Variants in ZFAT observed in about 807,000 individuals in gnomAD.
ZFAT encodes the protein zinc finger protein ZFAT.
In ZFAT, 64 loss-of-function variants were observed where a neutral mutation model predicts 117.7. That is an observed-to-expected ratio of 0.54 (90% CI 0.44 to 0.67). ZFAT has a LOEUF of 0.67. ZFAT is among the 30% of genes least tolerant of loss of function. The pLI, the probability that ZFAT is intolerant of heterozygous loss-of-function variation, is 0.00. For missense variants in ZFAT, 1,433 were observed against 1,584.5 expected, an observed-to-expected ratio of 0.90 and a Z score of 1.62; for synonymous variants, 679 against 615.0, an observed-to-expected ratio of 1.10 and a Z score of -1.54.
Position 134,583,838 on chromosome 8 carries a change from C to T in ZFAT, c.2881G>A (p.Ala961Thr), listed in dbSNP as rs972050902. 18 of 1,613,536 alleles carry T rather than the reference C, an allele frequency of 1.1e-5. No individual in the cohort carries two copies. The highest frequency in any genetic ancestry group is 1.5e-5 in the Non-Finnish European group (18 of 1,179,736). ...TLKSHKLLHT[A>T]DGKQFKCTVC... ...CCTTGGGCCATTTACTCACCATCTG[C>T]AGTGTGAAGGAGTTTGTGACTTTTC... Residue 961 changes from alanine (A) to threonine (T), a missense_variant, in exon 10 of 16, where the codon GCA (alanine) becomes ACA (threonine). This residue lies in a region of ZFAT where 503 missense variants were observed against 543.4 expected (regional missense o/e 0.93). Transcript: ENST00000377838.
the ZFAT span, among the ~76,000 whole-genome samples, chr8:134,771,815 G>A: frequency 6.6e-6 from 1 of 152,178 alleles, no homozygotes; most frequent in East Asian, 1.9e-4. Flanking sequence ...ATTTACAAAA[G>A]AAAGAGGTTT....
At chr8:134,818,538 A>C in the ZFAT span, among the ~76,000 whole-genome samples, 2 of 152,204 alleles carry the variant, frequency 1.3e-5, no homozygotes, top group African/African-American at 4.8e-5. Flanking sequence ...TTTAAGAAGA[A>C]ACTAGGTAGG....
chr8:134,730,592 C>T, the ZFAT span, among the ~76,000 whole-genome samples: 1 of 152,204 alleles, frequency 6.6e-6, no homozygotes, highest in East Asian at 1.9e-4. Context: ...GGCCAGTAGA[C>T]ATTAACAGTA....
In ZFAT at chr8:134,689,255, T is replaced by G. The variant is rs192427611; in HGVS notation, c.19+23590A>C. On this transcript the variant is annotated intron_variant, in intron 1 of 15. Coordinates refer to ENST00000377838, the MANE Select transcript of ZFAT (RefSeq NM_020863.4). Reference sequence around the variant, plus strand: ...AGCTATTTCTGAATAATCTGCCCCTTAATTAGCACGTCATTGAAAGTGGGT... The same window carrying G: ...AGCTATTTCTGAATAATCTGCCCCTGAATTAGCACGTCATTGAAAGTGGGT... Among the ~76,000 whole-genome samples, 5 of 152,340 alleles carry G rather than the reference T, an allele frequency of 3.3e-5. No individual in the cohort carries two copies. In the East Asian group the frequency reaches 9.6e-4, roughly 29 times the overall value.
the ZFAT span, among the ~76,000 whole-genome samples, chr8:134,749,983 T>C: frequency 6.6e-6 from 1 of 152,220 alleles, no homozygotes; most frequent in African/African-American, 2.4e-5. Context: ...CATTTTTCTT[T>C]TTCTTCAAAA....
At chr8:134,729,557 T>C in the ZFAT span, among the ~76,000 whole-genome samples, 20 of 152,078 alleles carry the variant, frequency 1.3e-4, no homozygotes, top group Admixed American at 5.2e-4. Flanking sequence ...ATGGTCTCGA[T>C]CTCCTGACCT....
At chr8:134,628,780 G>C (rs1829692777) in intron 3 of ZFAT, among the ~76,000 whole-genome samples, 1 of 152,170 alleles carries the variant, frequency 6.6e-6, no homozygotes. Context: ...GCTTGCCCCA[G>C]TTTCCTCATC....
chr8:134,706,878 CAAA>C (rs778702954), intron 1 of ZFAT, among the ~76,000 whole-genome samples: 8 of 125,208 alleles, frequency 6.4e-5, no homozygotes, highest in Non-Finnish European at 5.2e-5. Context: ...TATAGTACGC[CAAA>C]AAAAAAAAAA....
chr8:134,497,365 C>G (rs1202565042), intron 15 of ZFAT, among the ~76,000 whole-genome samples: 2 of 152,230 alleles, frequency 1.3e-5, no homozygotes, highest in South Asian at 4.1e-4. Flanking sequence ...CAGCTGAGAA[C>G]AGGCTTCTAA....
the ZFAT span, among the ~76,000 whole-genome samples, chr8:134,720,987 G>A: frequency 3.8e-4 from 58 of 152,338 alleles, no homozygotes; most frequent in African/African-American, 1.4e-3. Flanking sequence ...GAGAACAAAA[G>A]GGGCTGAGGG....
intron 12 of ZFAT, among the ~76,000 whole-genome samples, chr8:134,529,343 G>C (rs1821244509): frequency 6.6e-6 from 1 of 152,164 alleles, no homozygotes; most frequent in African/African-American, 2.4e-5. Context: ...ACCAGTTCTT[G>C]AGCTAGCTTA....
the ZFAT span, chr8:134,792,335 T>G: frequency 6.6e-6 from 1 of 152,230 alleles, no homozygotes; most frequent in African/African-American, 2.4e-5. Flanking sequence ...ATCAATGATT[T>G]AACTGTGGAG....
chr8:134,520,095 T>C (rs1299956136), intron 13 of ZFAT, among the ~76,000 whole-genome samples: 1 of 152,132 alleles, frequency 6.6e-6, no homozygotes, highest in Non-Finnish European at 1.5e-5. Context: ...GTAAAGTCCT[T>C]AGATAAAGTG....
At chr8:134,747,742 C>T in the ZFAT span, among the ~76,000 whole-genome samples, 1 of 152,162 alleles carries the variant, frequency 6.6e-6, no homozygotes, top group African/African-American at 2.4e-5. Context: ...TTGAGATAAT[C>T]GTTTCCTCCC....
intron 15 of ZFAT, among the ~76,000 whole-genome samples, chr8:134,479,988 C>T (rs1817182543): frequency 7.1e-6 from 1 of 140,962 alleles, no homozygotes; most frequent in East Asian, 2.0e-4. Context: ...AGGTCTGACT[C>T]TGTTGCCCAA....
chr8:134,587,735 A>T (rs1211255077), intron 9 of ZFAT, among the ~76,000 whole-genome samples: 2 of 152,178 alleles, frequency 1.3e-5, no homozygotes, highest in African/African-American at 4.8e-5. Flanking sequence ...CCAAAAGCAC[A>T]GCCTACCTTC....
intron 11 of ZFAT, among the ~76,000 whole-genome samples, chr8:134,543,539 G>A (rs961325119): frequency 3.9e-5 from 6 of 152,226 alleles, no homozygotes; most frequent in African/African-American, 4.8e-5. Context: ...GCCCCTTAGC[G>A]GATCTTGCAA....
intron 1 of ZFAT, among the ~76,000 whole-genome samples, chr8:134,712,610 C>G (rs1180946699): frequency 7.6e-5 from 11 of 144,672 alleles, no homozygotes; most frequent in African/African-American, 1.3e-4. Flanking sequence ...CTCTCCCACT[C>G]GCTCCCGCCT....
intron 1 of ZFAT, among the ~76,000 whole-genome samples, chr8:134,663,140 A>G (rs1340479706): frequency 6.6e-6 from 1 of 152,226 alleles, no homozygotes; most frequent in African/African-American, 2.4e-5. Context: ...ATCGTCCAAA[A>G]CTAGAACTGG....
Sources: gnomAD v4.1 joint callset for allele counts (sites outside exome capture counted in the v4.1 genomes callset) on GRCh38, gnomAD v4.1.1 for gene constraint, gnomAD v4.1.1 regional missense constraint, MANE v1.5 for transcripts, NCBI Gene and HGNC (gene_info 2026-07-23, HGNC 2026-07-21) for gene names.